DCAF8: variants seen among roughly 807,000 people sequenced by gnomAD.
The protein encoded by DCAF8 is DDB1 and CUL4 associated factor 8.
In DCAF8, 20 loss-of-function variants were observed where a neutral mutation model predicts 68.0. The ratio of observed to expected loss-of-function variants is 0.29; its 90% CI spans 0.21 to 0.43. The LOEUF is 0.43. DCAF8 is among the 20% of genes least tolerant of loss of function. The pLI is 1.00. For synonymous variants in DCAF8, 230 were observed against 276.9 expected, an observed-to-expected ratio of 0.83 and a Z score of 1.68; for missense variants, 460 against 771.0, an observed-to-expected ratio of 0.60 and a Z score of 4.78.
rs972738415 is a variant in DCAF8 at position 160,217,449 on chromosome 1, T to A, written c.*143A>T. The A allele has an allele frequency of 3.3e-6, 2 of 600,210 alleles. No individual in the cohort carries two copies. The highest frequency in any genetic ancestry group is 6.0e-5 in the Admixed American group (2 of 33,218). The allele number at this position is 600,210 out of a possible 1,614,324, so 37.2% of individuals were successfully genotyped here. Reference sequence around the variant, plus strand: ...TTTGTTGGTTCACTCCTCTGGTTTGTCCTTCTCCTGGGATGTCTTTCTTTT... The same window carrying A: ...TTTGTTGGTTCACTCCTCTGGTTTGACCTTCTCCTGGGATGTCTTTCTTTT... On this transcript the variant is annotated 3_prime_UTR_variant, in exon 14 of 14. Transcript: ENST00000368074.
At chr1:160,250,122 G>A (rs888881585) in intron 2 of DCAF8, among the ~76,000 whole-genome samples, 3 of 152,148 alleles carry the variant, frequency 2.0e-5, no homozygotes, top group African/African-American at 7.2e-5. Flanking sequence ...CTCAAAAAAG[G>A]ATAAATTTTA....
chr1:160,249,854 T>C (rs1656505780), intron 2 of DCAF8, among the ~76,000 whole-genome samples: 1 of 152,172 alleles, frequency 6.6e-6, no homozygotes, highest in Non-Finnish European at 1.5e-5. Flanking sequence ...CATGGATAGA[T>C]CTCAAGTATG....
chr1:160,225,816 A>G (rs903297847), intron 7 of DCAF8, among the ~76,000 whole-genome samples, 153 bp from the exon 8 acceptor site: 2 of 152,174 alleles, frequency 1.3e-5, no homozygotes, highest in Non-Finnish European at 2.9e-5. Context: ...CTTAAAGGGC[A>G]TCCCTTTTCC....
chr1:160,252,155 C>A (rs1433269566), intron 2 of DCAF8, among the ~76,000 whole-genome samples: 1 of 152,104 alleles, frequency 6.6e-6, no homozygotes, highest in Non-Finnish European at 1.5e-5. Context: ...CATGCTGTTA[C>A]ACAACAGCAT....
chr1:160,249,304 T>C (rs1394260790), intron 2 of DCAF8, among the ~76,000 whole-genome samples: 1 of 152,214 alleles, frequency 6.6e-6, no homozygotes, highest in Non-Finnish European at 1.5e-5. Context: ...TAAACACTTA[T>C]TTGAATGGTC....
chr1:160,248,356 C>A (rs549229449), intron 2 of DCAF8, among the ~76,000 whole-genome samples: 1 of 151,892 alleles, frequency 6.6e-6, no homozygotes, highest in African/African-American at 2.4e-5. Flanking sequence ...TACAACAATG[C>A]AAAGACAAGC....
intron 2 of DCAF8, among the ~76,000 whole-genome samples, chr1:160,249,480 C>A (rs1213801269): frequency 4.6e-5 from 7 of 152,120 alleles, no homozygotes; most frequent in African/African-American, 1.7e-4. Flanking sequence ...TCATACAACT[C>A]AGGAATCCCA....
chr1:160,230,345 C>A lies in DCAF8; in HGVS notation c.1070+952G>T, dbSNP rs145354191. 4.0e-3 allele frequency among the ~76,000 whole-genome samples: 613 copies of A among 151,962 alleles called. 2 individuals are homozygous for A. Among genetic ancestry groups the A allele is most frequent in the Non-Finnish European group, 6.2e-3 (419 of 67,946 alleles). On this transcript the variant is annotated intron_variant, in intron 7 of 13. Coordinates refer to ENST00000368074, the MANE Select transcript of DCAF8 (RefSeq NM_015726.4). ...TCTCTCTCCTTTCAAACTGATGAGC[C>A]CAAAGAAACATAGTTAAAATAGGCC...
At chr1:160,252,498 T>C (rs192882807) in intron 2 of DCAF8, among the ~76,000 whole-genome samples, 3 of 152,158 alleles carry the variant, frequency 2.0e-5, no homozygotes, top group Admixed American at 6.5e-5. Context: ...AAGAAACATA[T>C]ATGGGTAGTC....
intron 2 of DCAF8, among the ~76,000 whole-genome samples, chr1:160,252,933 G>A (rs377670764): frequency 6.6e-6 from 1 of 152,092 alleles, no homozygotes; most frequent in African/African-American, 2.4e-5. Context: ...AGGTACTGAC[G>A]AACAAATTTA....
intron 6 of DCAF8, among the ~76,000 whole-genome samples, chr1:160,233,580 AAG>A (rs1655768315): frequency 6.6e-6 from 1 of 152,214 alleles, no homozygotes; most frequent in Non-Finnish European, 1.5e-5. Context: ...TAGACAGGGA[AAG>A]AGAGGAGGAG....
At chr1:160,251,321 C>T (rs1287154992) in intron 2 of DCAF8, among the ~76,000 whole-genome samples, 6 of 152,192 alleles carry the variant, frequency 3.9e-5, no homozygotes, top group Admixed American at 3.3e-4. Context: ...CTGGTATCAA[C>T]TAGTTCTACT....
Position 160,240,312 on chromosome 1 carries a change from G to T in DCAF8, c.108C>A (p.Ser36=). The change falls in exon 4 of 14, where the codon TCC becomes TCA. Residue 36 remains serine (S), a synonymous_variant. Transcript: ENST00000368074. Reference sequence around the variant, plus strand: ...CTGAGGCCTCCACTTCAATGCCTGAGGATGTCTCCCTCCCCTCTTCAGCTC... The same window carrying T: ...CTGAGGCCTCCACTTCAATGCCTGATGATGTCTCCCTCCCCTCTTCAGCTC... ...MSGAEEGRET[S]SGIEVEASDL... The T allele has an allele frequency of 6.2e-7, 1 of 1,613,846 alleles. No homozygotes were observed. Among genetic ancestry groups the T allele is most frequent in the Non-Finnish European group, 8.5e-7 (1 of 1,180,036 alleles).
intron 11 of DCAF8, chr1:160,221,003 T>C (rs1447155677): frequency 6.6e-6 from 1 of 152,196 alleles, no homozygotes; most frequent in Non-Finnish European, 1.5e-5. Context: ...GTAGCCTCTA[T>C]ATCTCTTATT....
Position 160,239,440 on chromosome 1 carries a change from C to T in DCAF8, c.723+257G>A, listed in dbSNP as rs553870277. On this transcript the variant is annotated intron_variant, in intron 4 of 13. Coordinates refer to ENST00000368074, the MANE Select transcript of DCAF8 (RefSeq NM_015726.4). ...TTCAAGAGCCTGTGCTTATACTACA[C>T]TGCCTCCTACCAGCACACATTTAAT... is the stretch of plus-strand genomic sequence containing the variant. 7.0e-6 allele frequency: 10 copies of T among 1,436,154 alleles called. No individual in the cohort carries two copies. In the African/African-American group the frequency reaches 1.4e-4, roughly 21 times the overall value. The allele number at this position is 1,436,154 out of a possible 1,614,324, so 89.0% of individuals were successfully genotyped here.
intron 6 of DCAF8, among the ~76,000 whole-genome samples, chr1:160,233,833 C>A (rs752952784): frequency 2.6e-5 from 4 of 152,052 alleles, no homozygotes; most frequent in Non-Finnish European, 5.9e-5. Context: ...TGCAGAGTAC[C>A]TTGAACTCTG....
At position 160,238,676 on chromosome 1, in the gene DCAF8, T is replaced by C. The variant is rs757199246; in HGVS notation, c.795A>G (p.Ala265=). The part of the protein sequence containing the change: ...MCARDGQVRV[A]ELSATQCCKN... The stretch of plus-strand genomic sequence containing the variant: ...TGCAACACTGTGTGGCAGACAGTTC[T>C]GCTACTCGAACCTGCCCGTCACGGG... The change falls in exon 5 of 14, where the codon GCA becomes GCG. Residue 265 remains alanine, a synonymous_variant. Coordinates refer to ENST00000368074, the MANE Select transcript of DCAF8 (RefSeq NM_015726.4). 24 of 1,613,768 alleles carry C rather than the reference T, an allele frequency of 1.5e-5. No homozygotes were observed. The South Asian group carries it at 2.6e-4, about 18-fold the overall frequency.
At chr1:160,236,889 A>C (rs1655916497) in intron 6 of DCAF8, among the ~76,000 whole-genome samples, 3 of 152,198 alleles carry the variant, frequency 2.0e-5, no homozygotes, top group Admixed American at 1.3e-4. Flanking sequence ...TAAAGAGCAA[A>C]AGATCATCAA....
chr1:160,239,778 G>A lies in DCAF8; in HGVS notation c.642C>T (p.Asp214=), dbSNP rs144158120. ...CCCAATCCCACACCACCACCTTCAG[G>A]TCATCGCTGCCACTGGCCAGCCAGG... The part of the protein sequence containing the change: ...RGTWLASGSD[D]LKVVVWDWVR... Residue 214 remains aspartate (D), a synonymous_variant, in exon 4 of 14, where the codon GAC becomes GAT. Transcript: ENST00000368074. The A allele has an allele frequency of 9.7e-5, 156 of 1,614,156 alleles. No individual in the cohort carries two copies. The African/African-American group carries it at 1.9e-3, about 20-fold the overall frequency.
Sources: gnomAD v4.1 joint callset for allele counts (sites outside exome capture counted in the v4.1 genomes callset) on GRCh38, gnomAD v4.1.1 for gene constraint, MANE v1.5 for transcripts, NCBI Gene and HGNC (gene_info 2026-07-23, HGNC 2026-07-21) for gene names.